LRRC3B: variants seen among roughly 807,000 people sequenced by gnomAD.
LRRC3B encodes leucine-rich repeat-containing protein 3B.
In LRRC3B, 2 loss-of-function variants were observed where a neutral mutation model predicts 12.8. The ratio of observed to expected loss-of-function variants is 0.16; its 90% confidence interval spans 0.06 to 0.49. LRRC3B has a LOEUF of 0.49. LRRC3B is among the 20% of genes least tolerant of loss of function. The probability of loss-of-function intolerance (pLI) is 0.96; values close to 1 mark genes in which losing one functional copy is unlikely to be tolerated. For missense variants in LRRC3B, 189 were observed against 319.4 expected (o/e 0.59, Z 3.11); for synonymous variants, 132 against 122.0 (o/e 1.08, Z -0.54).
chr3:26,699,935 C>A (rs1156259966), intron 1 of LRRC3B, among the ~76,000 whole-genome samples: 2 of 152,076 alleles, frequency 1.3e-5, no homozygotes, highest in Non-Finnish European at 2.9e-5. Flanking sequence ...ATGCTGGGTT[C>A]ATAAAAAGTG....
At chr3:26,649,417 A>C (rs560337497) in intron 1 of LRRC3B, among the ~76,000 whole-genome samples, 26 of 152,312 alleles carry the variant, frequency 1.7e-4, no homozygotes, top group South Asian at 4.1e-4. Flanking sequence ...TTCAGCATGA[A>C]ATACTTTATC....
At chr3:26,682,948 G>T (rs914097466) in intron 1 of LRRC3B, among the ~76,000 whole-genome samples, 1 of 152,090 alleles carries the variant, frequency 6.6e-6, no homozygotes, top group African/African-American at 2.4e-5. Flanking sequence ...TCTCTCACAG[G>T]CATTCTGCAG....
At chr3:26,672,539 G>T (rs962911195) in intron 1 of LRRC3B, among the ~76,000 whole-genome samples, 1 of 152,174 alleles carries the variant, frequency 6.6e-6, no homozygotes, top group African/African-American at 2.4e-5. Context: ...TCCTGTTCCT[G>T]AACTGGCAGT....
chr3:26,634,823 G>A (rs1599923), intron 1 of LRRC3B, among the ~76,000 whole-genome samples: 88,940 of 152,004 alleles, frequency 0.59, 26,298 homozygotes, highest in East Asian at 0.8. Flanking sequence ...TGGCTTTGAC[G>A]CTGCTGAGAG....
In LRRC3B at chr3:26,634,771, A is replaced by G. The variant is rs201008963; in HGVS notation, c.-161+11534A>G. 2.6e-5 allele frequency among the ~76,000 whole-genome samples: 4 copies of G among 152,326 alleles called. No individual in the cohort carries two copies. In the East Asian group the frequency reaches 5.8e-4, roughly 22 times the overall value. On this transcript the variant is annotated intron_variant, in intron 1 of 1. Transcript: ENST00000396641. ...TAAGGAAATGATCAAACCCTATAAA[A>G]GTCAAATTATTTCTGGTTGAGGGGC...
chr3:26,661,595 A>G (rs544780495), intron 1 of LRRC3B, among the ~76,000 whole-genome samples: 2 of 152,326 alleles, frequency 1.3e-5, no homozygotes, highest in East Asian at 1.9e-4. Context: ...ATAACATCAC[A>G]TCAAATGGAT....
chr3:26,636,996 CT>C (rs1698915578), intron 1 of LRRC3B, among the ~76,000 whole-genome samples: 8 of 144,892 alleles, frequency 5.5e-5, no homozygotes, highest in African/African-American at 2.1e-4. Flanking sequence ...TTCTCTCTTT[CT>C]CTCTTTCTTT....
rs116557143 is a variant in LRRC3B at position 26,644,844 on chromosome 3, A to G, written c.-161+21607A>G. Among the ~76,000 whole-genome samples the G allele has an allele frequency of 4.3e-3, 662 of 152,298 alleles. 4 individuals carry two copies. Among genetic ancestry groups the G allele is most frequent in the African/African-American group, 0.015 (623 of 41,568 alleles). ...AGGATGAAGTATATCAATGTCTACA[A>G]CTAACTCTCAAATGGTTCAGCCAAA... On this transcript the variant is annotated intron_variant, in intron 1 of 1. Transcript: ENST00000396641.
At chr3:26,695,633 A>T (rs534759519) in intron 1 of LRRC3B, among the ~76,000 whole-genome samples, 1 of 152,364 alleles carries the variant, frequency 6.6e-6, no homozygotes, top group African/African-American at 2.4e-5. Context: ...TACGTTTTTA[A>T]TAGAAAACAC....
intron 1 of LRRC3B, among the ~76,000 whole-genome samples, chr3:26,652,184 G>A (rs1699278330): frequency 6.6e-6 from 1 of 152,194 alleles, no homozygotes. Context: ...CTAAGGTAAT[G>A]TTTCGCTTTC....
chr3:26,631,789 C>T (rs1698762491), intron 1 of LRRC3B, among the ~76,000 whole-genome samples: 1 of 151,898 alleles, frequency 6.6e-6, no homozygotes, highest in East Asian at 1.9e-4. Context: ...TGACTCTAAC[C>T]ATCTCTGTGG....
At chr3:26,684,348 A>C (rs1159063180) in intron 1 of LRRC3B, among the ~76,000 whole-genome samples, 1 of 152,192 alleles carries the variant, frequency 6.6e-6, no homozygotes, top group Non-Finnish European at 1.5e-5. Flanking sequence ...TTGGTTGGAA[A>C]ATTATGATAC....
intron 1 of LRRC3B, among the ~76,000 whole-genome samples, chr3:26,691,115 A>ATATATATATATATAT (rs1559368569): frequency 1.4e-5 from 2 of 139,858 alleles, no homozygotes; most frequent in Non-Finnish European, 3.1e-5. Flanking sequence ...GTATATATAT[A>ATATATATATATATAT]TATATATATA....
intron 1 of LRRC3B, among the ~76,000 whole-genome samples, chr3:26,695,400 G>A (rs1700288698): frequency 1.3e-5 from 2 of 152,072 alleles, no homozygotes; most frequent in African/African-American, 2.4e-5. Flanking sequence ...TGTGGTGAGC[G>A]CCTGTAGTCC....
intron 1 of LRRC3B, among the ~76,000 whole-genome samples, chr3:26,695,120 T>G (rs558594356): frequency 1.3e-5 from 2 of 152,218 alleles, no homozygotes; most frequent in Non-Finnish European, 2.9e-5. Flanking sequence ...CTCAGTGATA[T>G]GTATTTGACA....
intron 1 of LRRC3B, among the ~76,000 whole-genome samples, chr3:26,658,111 C>T (rs796748441): frequency 2.6e-5 from 4 of 152,318 alleles, no homozygotes; most frequent in African/African-American, 9.6e-5. Context: ...GAGTCTCGCT[C>T]TGTTGCCCAG....
intron 1 of LRRC3B, among the ~76,000 whole-genome samples, chr3:26,675,477 C>A (rs983469241): frequency 6.6e-6 from 1 of 152,190 alleles, no homozygotes; most frequent in African/African-American, 2.4e-5. Flanking sequence ...GGCATGGAAA[C>A]AGTTAATTCT....
intron 1 of LRRC3B, among the ~76,000 whole-genome samples, chr3:26,640,448 A>C (rs1699005769): frequency 7.6e-6 from 1 of 131,824 alleles, no homozygotes; most frequent in African/African-American, 3.2e-5. Flanking sequence ...AAAAACCCAA[A>C]AAACAAAAAC....
At chr3:26,630,293 G>T (rs1282981082) in intron 1 of LRRC3B, among the ~76,000 whole-genome samples, 2 of 152,154 alleles carry the variant, frequency 1.3e-5, no homozygotes, top group Non-Finnish European at 2.9e-5. Flanking sequence ...TCCAGGCCAA[G>T]GTCTTCTACT....
Sources: allele counts gnomAD v4.1 joint callset (sites outside exome capture counted in the v4.1 genomes callset), GRCh38; gene constraint gnomAD v4.1.1; transcripts MANE v1.5; gene names NCBI Gene and HGNC (gene_info 2026-07-23, HGNC 2026-07-21).